The following CAST variants were observed in gnomAD, a reference collection of about 807,000 sequenced individuals.
CAST encodes the protein calpastatin.
CAST carries 76 observed loss-of-function variants against 119.6 expected under a neutral mutation model. The ratio of observed to expected loss-of-function variants is 0.64; its 90% CI spans 0.53 to 0.77. The LOEUF (loss-of-function observed/expected upper bound fraction) is 0.77, where lower values mean the gene tolerates loss of function less well. CAST is among the 30% of genes least tolerant of loss of function. CAST has a pLI of 0.00. For synonymous variants in CAST, 319 were observed against 331.6 expected, an observed-to-expected ratio of 0.96 and a Z score of 0.41; for missense variants, 953 against 946.5, an observed-to-expected ratio of 1.01 and a Z score of -0.09.
chr5:96,511,380 G>A, the CAST span, among the ~76,000 whole-genome samples: 1 of 152,132 alleles, frequency 6.6e-6, no homozygotes, highest in Admixed American at 6.5e-5. Flanking sequence ...TTGATCTCGT[G>A]ATCTACCTGC....
At chr5:96,332,800 C>T in the CAST span, among the ~76,000 whole-genome samples, 1 of 152,182 alleles carries the variant, frequency 6.6e-6, no homozygotes, top group African/African-American at 2.4e-5. Flanking sequence ...TTCACATACA[C>T]CCCATTGAGG....
At position 96,742,653 on chromosome 5, in the gene CAST, A is replaced by G. The variant is rs778208520; in HGVS notation, c.1099-2A>G. The G allele has an allele frequency of 6.2e-7, 1 of 1,603,938 alleles. No homozygotes were observed. The highest frequency in any genetic ancestry group is 1.1e-5 in the South Asian group (1 of 90,872). On this transcript the variant is annotated splice_acceptor_variant, in intron 15 of 31. Transcript: ENST00000675179. LOFTEE classifies it high-confidence loss of function. ...ATGCACAGGATTTTTTACTTTTAAC[A>G]GGATACAATGAGTGATCAAGCACTC...
the CAST span, among the ~76,000 whole-genome samples, chr5:96,447,180 G>A: frequency 3.3e-5 from 5 of 152,328 alleles, no homozygotes; most frequent in African/African-American, 7.2e-5. Context: ...GAGCCCAGGC[G>A]TAAGAAGCCA....
the CAST span, among the ~76,000 whole-genome samples, chr5:96,342,531 G>T: frequency 2.0e-5 from 3 of 152,178 alleles, no homozygotes; most frequent in African/African-American, 7.2e-5. Flanking sequence ...ATTGCTGCCT[G>T]GCTTCTGCCT....
rs187823706 is a variant in CAST at position 96,648,224 on chromosome 5, T to G, written c.61-27315T>G. Among the ~76,000 whole-genome samples the G allele has an allele frequency of 1.5e-3, 224 of 152,338 alleles. 1 individual carries two copies. The highest frequency in any genetic ancestry group is 2.6e-3 in the Non-Finnish European group (174 of 68,030). On this transcript the variant is annotated intron_variant, in intron 1 of 11. Coordinates refer to the CAST transcript ENST00000505143. Reference sequence around the variant, plus strand: ...ACCACCCTCTTTTTGCTAAACTGTGTGCCTTCCCCTCTTTCAAAACCCACT... The same window carrying G: ...ACCACCCTCTTTTTGCTAAACTGTGGGCCTTCCCCTCTTTCAAAACCCACT...
At chr5:96,299,761 TTTCTA>T in the CAST span, among the ~76,000 whole-genome samples, 2 of 152,220 alleles carry the variant, frequency 1.3e-5, no homozygotes, top group African/African-American at 4.8e-5. Context: ...TGAATTTTAT[TTTCTA>T]TTGTATTTAT....
the CAST span, among the ~76,000 whole-genome samples, chr5:96,471,684 A>C: frequency 4.0e-3 from 604 of 152,204 alleles, 3 homozygotes; most frequent in African/African-American, 0.014. Flanking sequence ...ATTTCAAACA[A>C]AAACAAGATC....
At chr5:96,380,395 C>T in the CAST span, among the ~76,000 whole-genome samples, 13 of 152,102 alleles carry the variant, frequency 8.5e-5, no homozygotes, top group African/African-American at 2.7e-4. Context: ...TTATATAAAG[C>T]ACTTTACTGC....
the CAST span, among the ~76,000 whole-genome samples, chr5:96,212,148 A>C: frequency 2.6e-5 from 4 of 151,724 alleles, no homozygotes; most frequent in Non-Finnish European, 5.9e-5. Flanking sequence ...TGATTTCTGA[A>C]TTTTATTTTC....
the CAST span, among the ~76,000 whole-genome samples, chr5:96,061,666 T>A: frequency 1.5e-5 from 2 of 135,562 alleles, no homozygotes; most frequent in African/African-American, 2.6e-5. Context: ...TGTGTGTGTG[T>A]GCGTGTGTGT....
At chr5:96,164,044 A>G in the CAST span, among the ~76,000 whole-genome samples, 1 of 152,334 alleles carries the variant, frequency 6.6e-6, no homozygotes, top group East Asian at 1.9e-4. Context: ...TGAAAAAAAA[A>G]CACTGAGACT....
rs1317296341 is a variant in CAST at position 96,766,096 on chromosome 5, A to G, written c.2081A>G (p.Asp694Gly). The change falls in exon 27 of 32, where the codon GAT becomes GGT. Residue 694 changes from aspartate (D) to glycine (G), a missense_variant. Transcript: ENST00000675179. Reference sequence around the variant, plus strand: ...CATAGAGACAAGCTTGGAGAAAGAGATGACACTATCCCACCTGAATACAGA... The same window carrying G: ...CATAGAGACAAGCTTGGAGAAAGAGGTGACACTATCCCACCTGAATACAGA... ...AEHRDKLGERDDTIPPEYRHL... is the reference protein window; with the variant it reads ...AEHRDKLGERGDTIPPEYRHL... 2 of 1,611,772 alleles carry G rather than the reference A, an allele frequency of 1.2e-6. No homozygotes were observed. Among genetic ancestry groups the G allele is most frequent in the African/African-American group, 2.7e-5 (2 of 74,842 alleles).
At position 96,628,757 on chromosome 5, in the gene CAST, A is replaced by C. The variant is rs1379802771; in HGVS notation, c.61-46782A>C. ...AAGTTACCAAATTAGTTTAACCTTCAGAACCCAAATTAGGAAGCAAGTATG... is the reference window on the plus strand; with the variant it reads ...AAGTTACCAAATTAGTTTAACCTTCCGAACCCAAATTAGGAAGCAAGTATG... On this transcript the variant is annotated intron_variant, in intron 1 of 11. Coordinates refer to the CAST transcript ENST00000505143. 3.3e-5 allele frequency among the ~76,000 whole-genome samples: 5 copies of C among 152,246 alleles called. No homozygotes were observed. In the South Asian group the frequency reaches 6.2e-4, roughly 19 times the overall value.
At chr5:96,643,078 T>A (rs1747972872) in intron 1 of CAST, among the ~76,000 whole-genome samples, 1 of 152,190 alleles carries the variant, frequency 6.6e-6, no homozygotes, top group Non-Finnish European at 1.5e-5. Context: ...TCTTAACCAC[T>A]ACTCTATATT....
At chr5:96,596,680 T>C (rs1747055732) in intron 1 of CAST, among the ~76,000 whole-genome samples, 1 of 152,196 alleles carries the variant, frequency 6.6e-6, no homozygotes, top group East Asian at 1.9e-4. Context: ...GTGTTCATGA[T>C]GGAACACAGC....
In CAST at chr5:96,649,959, G is replaced by C. The variant is rs1205428898; in HGVS notation, c.61-25580G>C. On this transcript the variant is annotated intron_variant, in intron 1 of 11. Coordinates refer to the CAST transcript ENST00000505143. ...AGACACTATTCTAAAAGTTTTACTT[G>C]GATATTCTCACATAATCCTTATAGC... 2.0e-5 allele frequency among the ~76,000 whole-genome samples: 3 copies of C among 152,234 alleles called. No individual in the cohort carries two copies. The East Asian group carries it at 5.8e-4, about 29-fold the overall frequency.
the CAST span, among the ~76,000 whole-genome samples, chr5:96,343,776 C>G: frequency 6.6e-6 from 1 of 152,158 alleles, no homozygotes; most frequent in East Asian, 1.9e-4. Context: ...GTGTGATTTA[C>G]AAATGTTGAT....
the CAST span, among the ~76,000 whole-genome samples, chr5:96,358,525 G>A: frequency 1.4e-4 from 21 of 152,190 alleles, no homozygotes; most frequent in African/African-American, 3.9e-4. Context: ...ATTCTGGTAC[G>A]TTGTGTTTTT....
the CAST span, chr5:96,410,810 G>C: frequency 2.5e-6 from 4 of 1,614,086 alleles, no homozygotes; most frequent in African/African-American, 1.3e-5. Context: ...TGCTGTAAGA[G>C]GTGGCCAGTG....
Sources: allele counts gnomAD v4.1 joint callset (sites outside exome capture counted in the v4.1 genomes callset), GRCh38; gene constraint gnomAD v4.1.1; transcripts MANE v1.5; gene names NCBI Gene and HGNC (gene_info 2026-07-23, HGNC 2026-07-21).